Variants in RPA3 observed in about 807,000 individuals in gnomAD.
The protein encoded by RPA3 is replication protein A 14 kDa subunit.
Under a neutral mutation model 13.7 loss-of-function variants are expected in RPA3, and 24 were observed. That is an observed-to-expected ratio of 1.75 (90% confidence interval 1.27 to 2.46). The LOEUF is 2.46. RPA3 is among the 30% of genes most tolerant of loss of function. RPA3 has a pLI of 0.00. For missense variants in RPA3, 183 were observed against 151.0 expected (o/e 1.21, Z -1.11); for synonymous variants, 59 against 51.2 (o/e 1.15, Z -0.65).
chr7:7,704,401 T>C (rs1334085477), intron 2 of RPA3, among the ~76,000 whole-genome samples: 1 of 151,994 alleles, frequency 6.6e-6, no homozygotes, highest in Non-Finnish European at 1.5e-5. Flanking sequence ...GGGTCCTCAG[T>C]AATTTTTGAG....
intron 2 of RPA3, among the ~76,000 whole-genome samples, chr7:7,700,561 A>G (rs1377986019): frequency 6.6e-6 from 1 of 152,050 alleles, no homozygotes; most frequent in Non-Finnish European, 1.5e-5. Flanking sequence ...CCCCATCTCT[A>G]CAAAATAAAA....
chr7:7,655,512 T>A (rs1047905933), intron 4 of RPA3, among the ~76,000 whole-genome samples: 1 of 152,242 alleles, frequency 6.6e-6, no homozygotes, highest in African/African-American at 2.4e-5. Flanking sequence ...CTTGATGCTC[T>A]ATAATTGATT....
chr7:7,718,377 C>T (rs2115180286), intron 1 of RPA3, 138 bp downstream of exon 1: 1 of 152,318 alleles, frequency 6.6e-6, no homozygotes, highest in East Asian at 1.9e-4. Context: ...ATATTCCCAG[C>T]ACTAGCATGG....
At chr7:7,657,387 C>T (rs1426495751) in intron 4 of RPA3, among the ~76,000 whole-genome samples, 1 of 152,194 alleles carries the variant, frequency 6.6e-6, no homozygotes, top group Non-Finnish European at 1.5e-5. Context: ...AGTCTTTGCC[C>T]ATGCCTATGT....
chr7:7,652,054 G>A (rs995780820), intron 4 of RPA3, among the ~76,000 whole-genome samples: 1 of 152,170 alleles, frequency 6.6e-6, no homozygotes, highest in African/African-American at 2.4e-5. Context: ...ATCTAGTCCT[G>A]TAAGACTTTG....
chr7:7,667,913 T>C (rs1470922767), intron 4 of RPA3, among the ~76,000 whole-genome samples: 4 of 152,196 alleles, frequency 2.6e-5, no homozygotes, highest in African/African-American at 4.8e-5. Flanking sequence ...ATACTTAACC[T>C]AGTTTTTCAC....
chr7:7,666,473 A>C (rs1029352895), intron 4 of RPA3, among the ~76,000 whole-genome samples: 1 of 151,928 alleles, frequency 6.6e-6, no homozygotes, highest in African/African-American at 2.4e-5. Flanking sequence ...CTCCCAAAGT[A>C]CTGGAATTAC....
At chr7:7,702,782 G>T (rs1287196352) in intron 2 of RPA3, among the ~76,000 whole-genome samples, 1 of 148,546 alleles carries the variant, frequency 6.7e-6, no homozygotes, top group African/African-American at 2.4e-5. Flanking sequence ...AGTGGCCTGG[G>T]TTTTTGTTGT....
intron 4 of RPA3, among the ~76,000 whole-genome samples, chr7:7,644,446 A>G (rs1484434704): frequency 6.6e-6 from 1 of 151,356 alleles, no homozygotes; most frequent in African/African-American, 2.4e-5. Flanking sequence ...TTAAAATCTC[A>G]TTTATGAATT....
At chr7:7,666,289 G>A (rs552573104) in intron 4 of RPA3, among the ~76,000 whole-genome samples, 5 of 151,790 alleles carry the variant, frequency 3.3e-5, no homozygotes, top group East Asian at 1.9e-4. Flanking sequence ...TTGCATGCTC[G>A]ACATCCTGGT....
At chr7:7,643,780 C>T (rs1785033238) in intron 4 of RPA3, among the ~76,000 whole-genome samples, 1 of 151,560 alleles carries the variant, frequency 6.6e-6, no homozygotes, top group Admixed American at 6.6e-5. Flanking sequence ...GACCTACTCT[C>T]TTTAACCTTC....
At chr7:7,644,260 T>C (rs1317770063) in intron 4 of RPA3, among the ~76,000 whole-genome samples, 1 of 152,140 alleles carries the variant, frequency 6.6e-6, no homozygotes, top group Non-Finnish European at 1.5e-5. Context: ...TTTTTCTTAC[T>C]GACTTTTAAG....
At chr7:7,658,210 G>T (rs1014073028) in intron 4 of RPA3, among the ~76,000 whole-genome samples, 3 of 152,342 alleles carry the variant, frequency 2.0e-5, no homozygotes, top group African/African-American at 7.2e-5. Context: ...GAGATTTTGG[G>T]CTGAGACGAT....
At chr7:7,712,261 G>C (rs1194859102) in intron 2 of RPA3, among the ~76,000 whole-genome samples, 1 of 152,048 alleles carries the variant, frequency 6.6e-6, no homozygotes, top group Non-Finnish European at 1.5e-5. Flanking sequence ...ACTCTGATGT[G>C]ATTTTTGTTG....
chr7:7,666,465 C>T (rs1779459393), intron 4 of RPA3, among the ~76,000 whole-genome samples: 1 of 152,090 alleles, frequency 6.6e-6, no homozygotes, highest in Admixed American at 6.5e-5. Context: ...ACCTCAGCCT[C>T]CCAAAGTACT....
chr7:7,670,616 C>T (rs1779582614), intron 4 of RPA3, among the ~76,000 whole-genome samples: 1 of 152,198 alleles, frequency 6.6e-6, no homozygotes, highest in Non-Finnish European at 1.5e-5. Context: ...TCAGATATAG[C>T]ATCATGCTCA....
chr7:7,671,455 C>T (rs1779602775), intron 4 of RPA3, among the ~76,000 whole-genome samples: 1 of 152,142 alleles, frequency 6.6e-6, no homozygotes, highest in African/African-American at 2.4e-5. Context: ...AGCTATATAC[C>T]CTTTATTTGA....
At chr7:7,653,913 A>G (rs897908102) in intron 4 of RPA3, among the ~76,000 whole-genome samples, 3 of 152,226 alleles carry the variant, frequency 2.0e-5, no homozygotes, top group Admixed American at 2.0e-4. Flanking sequence ...GCCTCCCACA[A>G]CAAAGAATTA....
chr7:7,696,570 A>G (rs1359857426), intron 2 of RPA3, among the ~76,000 whole-genome samples: 1 of 152,146 alleles, frequency 6.6e-6, no homozygotes, highest in Non-Finnish European at 1.5e-5. Context: ...CTCCCCAGCT[A>G]TTAACCAGTG....
Sources: allele counts gnomAD v4.1 joint callset (sites outside exome capture counted in the v4.1 genomes callset), GRCh38; gene constraint gnomAD v4.1.1; transcripts MANE v1.5; gene names NCBI Gene and HGNC (gene_info 2026-07-23, HGNC 2026-07-21).